RARB: variants seen among roughly 807,000 people sequenced by gnomAD.
RARB encodes the protein HBV-activated protein.
In RARB, 17 loss-of-function variants were observed where a neutral mutation model predicts 51.9. The ratio of observed to expected loss-of-function variants is 0.33; its 90% CI spans 0.22 to 0.49. The LOEUF is 0.49. Among genes scored for constraint, RARB ranks in the 20% least tolerant of loss-of-function variants. The pLI is 0.99. For synonymous variants in RARB, 215 were observed against 195.4 expected, an observed-to-expected ratio of 1.10 and a Z score of -0.84; for missense variants, 369 against 550.8, an observed-to-expected ratio of 0.67 and a Z score of 3.30.
Position 25,137,112 on chromosome 3 carries a change from G to A in RARB, c.-280+4904G>A, listed in dbSNP as rs76048934. Among the ~76,000 whole-genome samples the A allele has an allele frequency of 4.3e-3, 651 of 152,082 alleles. 7 individuals are homozygous for A. The East Asian group carries it at 0.044, about 10-fold the overall frequency. On this transcript the variant is annotated intron_variant, in intron 4 of 11. Transcript: ENST00000383772. ...CACTAATCTCAGGCTATTTAATGCC[G>A]ACTACTAGCCCTATTATTATCTTCA...
At chr3:24,853,250 G>C (rs1284343079) in intron 1 of RARB, among the ~76,000 whole-genome samples, 1 of 152,078 alleles carries the variant, frequency 6.6e-6, no homozygotes, top group Non-Finnish European at 1.5e-5. Flanking sequence ...CCGGGAGGCG[G>C]AGCTTGCAGT....
chr3:25,168,026 G>T (rs890598719), intron 4 of RARB, among the ~76,000 whole-genome samples: 1 of 152,092 alleles, frequency 6.6e-6, no homozygotes, highest in Admixed American at 6.5e-5. Flanking sequence ...ATTTGACAAG[G>T]TTCAGCCATG....
intron 5 of RARB, among the ~76,000 whole-genome samples, chr3:25,176,346 C>CT (rs1575197603): frequency 1.1e-3 from 55 of 48,122 alleles, no homozygotes; most frequent in Non-Finnish European, 1.3e-3. Context: ...TCCTTCCTTC[C>CT]TTCCTTCCTT....
At chr3:24,935,572 C>A (rs868478236) in intron 2 of RARB, among the ~76,000 whole-genome samples, 6 of 151,860 alleles carry the variant, frequency 4.0e-5, no homozygotes, top group Non-Finnish European at 7.4e-5. Flanking sequence ...ATATTCACAC[C>A]CCTAATTCTA....
intron 5 of RARB, among the ~76,000 whole-genome samples, chr3:25,203,791 C>G (rs1476797226): frequency 6.6e-6 from 1 of 152,186 alleles, no homozygotes; most frequent in Non-Finnish European, 1.5e-5. Flanking sequence ...GAGTTTCTGT[C>G]AAGAAATCTA....
At chr3:25,320,781 A>C (rs554969036) in intron 5 of RARB, among the ~76,000 whole-genome samples, 82 of 152,242 alleles carry the variant, frequency 5.4e-4, no homozygotes, top group African/African-American at 2.0e-3. Context: ...TTTTGACCAG[A>C]GATATGATTT....
chr3:25,358,055 G>A (rs1336451228), intron 5 of RARB, among the ~76,000 whole-genome samples: 1 of 152,128 alleles, frequency 6.6e-6, no homozygotes. Context: ...AAAGTCAATA[G>A]TAGCTTGATG....
chr3:25,594,013 G>C (rs1443200522), intron 6 of RARB, among the ~76,000 whole-genome samples: 1 of 152,136 alleles, frequency 6.6e-6, no homozygotes, highest in Non-Finnish European at 1.5e-5. Flanking sequence ...TTTGAATGAT[G>C]ACAAGGGACT....
Position 25,577,431 on chromosome 3 carries a change from G to A in RARB, c.610-3115G>A, listed in dbSNP as rs554028141. ...TGCAGGAATTGAATGTGGGTGACAG[G>A]GATGGTCTGCAAATTGAACTTGAAA... On this transcript the variant is annotated intron_variant, in intron 4 of 7. Coordinates refer to ENST00000330688, the MANE Select transcript of RARB (RefSeq NM_000965.5). Among the ~76,000 whole-genome samples, 6 of 152,270 alleles carry A rather than the reference G, an allele frequency of 3.9e-5. No individual in the cohort carries two copies. The East Asian group carries it at 1.2e-3, about 29-fold the overall frequency.
At chr3:25,238,462 G>A (rs147584934) in intron 5 of RARB, among the ~76,000 whole-genome samples, 330 of 152,274 alleles carry the variant, frequency 2.2e-3, no homozygotes, top group African/African-American at 6.3e-3. Context: ...TAGTGCTGCA[G>A]TAAACATGGG....
At chr3:25,239,283 T>C (rs1354652107) in intron 5 of RARB, among the ~76,000 whole-genome samples, 1 of 152,212 alleles carries the variant, frequency 6.6e-6, no homozygotes, top group Non-Finnish European at 1.5e-5. Flanking sequence ...TTTCCTCTGC[T>C]GATCAGAAGC....
intron 3 of RARB, among the ~76,000 whole-genome samples, chr3:25,063,569 A>C (rs996878032): frequency 2.0e-5 from 3 of 152,120 alleles, no homozygotes; most frequent in South Asian, 2.1e-4. Context: ...AATATGAAAT[A>C]AATGTGAGTG....
intron 5 of RARB, among the ~76,000 whole-genome samples, chr3:25,208,661 C>T (rs886809107): frequency 6.6e-6 from 1 of 152,078 alleles, no homozygotes; most frequent in Non-Finnish European, 1.5e-5. Flanking sequence ...TTTGGCCCAG[C>T]CCTCTGACCT....
At chr3:25,291,812 A>T (rs1039518459) in intron 5 of RARB, among the ~76,000 whole-genome samples, 3 of 152,134 alleles carry the variant, frequency 2.0e-5, no homozygotes, top group Non-Finnish European at 4.4e-5. Flanking sequence ...TACCCTTTAA[A>T]GATCTGGCAA....
intron 2 of RARB, among the ~76,000 whole-genome samples, chr3:24,913,138 G>A (rs987104039): frequency 5.3e-5 from 8 of 151,246 alleles, no homozygotes; most frequent in Admixed American, 6.6e-5. Context: ...CCGCCACCAC[G>A]CCCGGCTAAT....
At chr3:25,437,118 T>C (rs891809192) in intron 1 of RARB, among the ~76,000 whole-genome samples, 1 of 22,542 alleles carries the variant, frequency 4.4e-5, no homozygotes, top group Non-Finnish European at 1.4e-4. Context: ...AAAAGCAAAC[T>C]TTTTTTTTTT....
intron 5 of RARB, among the ~76,000 whole-genome samples, chr3:25,337,235 A>C (rs966442569): frequency 3.3e-5 from 5 of 152,190 alleles, no homozygotes; most frequent in African/African-American, 1.2e-4. Context: ...AAAAAGTTAG[A>C]ATACATTCAC....
intron 5 of RARB, among the ~76,000 whole-genome samples, chr3:25,352,034 G>A (rs545124176): frequency 6.6e-6 from 1 of 152,290 alleles, no homozygotes; most frequent in South Asian, 2.1e-4. Flanking sequence ...CACCCTGAAT[G>A]CAAACACTGC....
At chr3:25,063,779 C>T (rs1304281567) in intron 3 of RARB, among the ~76,000 whole-genome samples, 3 of 150,762 alleles carry the variant, frequency 2.0e-5, no homozygotes, top group Non-Finnish European at 3.0e-5. Flanking sequence ...AGGGTTACCA[C>T]GGGTTATATT....
Sources: gnomAD v4.1 joint callset for allele counts (sites outside exome capture counted in the v4.1 genomes callset) on GRCh38, gnomAD v4.1.1 for gene constraint, MANE v1.5 for transcripts, NCBI Gene and HGNC (gene_info 2026-07-23, HGNC 2026-07-21) for gene names.